The following SLC25A21 variants were observed in gnomAD, a reference collection of about 807,000 sequenced individuals.
SLC25A21 encodes solute carrier family 25 member 21, also known as mitochondrial 2-oxodicarboxylate carrier.
In SLC25A21, 47 loss-of-function variants were observed where a neutral mutation model predicts 43.8. The ratio of observed to expected loss-of-function variants is 1.07; its 90% CI spans 0.85 to 1.37. The LOEUF is 1.37. Among genes scored for constraint, SLC25A21 ranks in the 40% most tolerant of loss-of-function variants. The probability of loss-of-function intolerance (pLI) is 0.00; values close to 1 mark genes in which losing one functional copy is unlikely to be tolerated. For synonymous variants in SLC25A21, 131 were observed against 121.3 expected (o/e 1.08, Z -0.52); for missense variants, 352 against 350.2 (o/e 1.00, Z -0.04).
chr14:37,099,499 A>G (rs1962775461), intron 1 of SLC25A21, among the ~76,000 whole-genome samples: 1 of 152,296 alleles, frequency 6.6e-6, no homozygotes, highest in East Asian at 1.9e-4. Context: ...TAGTCAATGT[A>G]GTAGTCAAAA....
At chr14:36,909,025 G>A (rs1891610458) in intron 1 of SLC25A21, among the ~76,000 whole-genome samples, 1 of 152,086 alleles carries the variant, frequency 6.6e-6, no homozygotes, top group Admixed American at 6.6e-5. Flanking sequence ...TCCATAACCA[G>A]GATAGGAGGT....
chr14:37,108,727 G>A (rs932725380), intron 1 of SLC25A21, among the ~76,000 whole-genome samples: 7 of 147,042 alleles, frequency 4.8e-5, no homozygotes, highest in African/African-American at 1.9e-4. Flanking sequence ...GTGTGTGTGT[G>A]TGTGTGTGTG....
chr14:36,992,784 C>G (rs1020847627), intron 1 of SLC25A21, among the ~76,000 whole-genome samples: 1 of 152,170 alleles, frequency 6.6e-6, no homozygotes, highest in Non-Finnish European at 1.5e-5. Context: ...TCAAGAAATT[C>G]TATCAGAAGA....
chr14:37,116,188 C>T (rs1028484519), intron 1 of SLC25A21, among the ~76,000 whole-genome samples: 1 of 152,148 alleles, frequency 6.6e-6, no homozygotes. Context: ...ATGTAAGACA[C>T]TGTAAACTTC....
intron 1 of SLC25A21, among the ~76,000 whole-genome samples, chr14:37,150,883 G>A (rs1343348325): frequency 1.3e-5 from 2 of 152,064 alleles, no homozygotes; most frequent in Non-Finnish European, 2.9e-5. Context: ...AAATGATAGT[G>A]ATAATAACAG....
At chr14:36,896,586 G>C (rs937995254) in intron 1 of SLC25A21, among the ~76,000 whole-genome samples, 9 of 152,158 alleles carry the variant, frequency 5.9e-5, no homozygotes, top group Non-Finnish European at 1.5e-5. Flanking sequence ...TCATTATGAT[G>C]GTAGCTGGTT....
chr14:37,052,138 A>C (rs1324200512), intron 1 of SLC25A21, among the ~76,000 whole-genome samples: 1 of 152,244 alleles, frequency 6.6e-6, no homozygotes, highest in East Asian at 1.9e-4. Flanking sequence ...ATGCATAATA[A>C]ATTTCCCTTA....
At chr14:36,774,255 T>C (rs1886734522) in intron 3 of SLC25A21, among the ~76,000 whole-genome samples, 1 of 152,250 alleles carries the variant, frequency 6.6e-6, no homozygotes, top group South Asian at 2.1e-4. Flanking sequence ...CATTTGTAAA[T>C]GCTAGTGGTC....
At chr14:36,916,473 T>C (rs1197812630) in intron 1 of SLC25A21, among the ~76,000 whole-genome samples, 1 of 152,192 alleles carries the variant, frequency 6.6e-6, no homozygotes, top group African/African-American at 2.4e-5. Context: ...ATTTCCAACA[T>C]AGTTTTGACT....
At chr14:37,060,553 T>G (rs1961926086) in intron 1 of SLC25A21, among the ~76,000 whole-genome samples, 1 of 151,886 alleles carries the variant, frequency 6.6e-6, no homozygotes. Context: ...ATCCAGATTT[T>G]AATGTGAAAT....
At chr14:36,961,312 C>T (rs182399846) in intron 1 of SLC25A21, among the ~76,000 whole-genome samples, 94 of 151,908 alleles carry the variant, frequency 6.2e-4, no homozygotes, top group African/African-American at 1.8e-3. Context: ...TCCGGGTTCA[C>T]GCCATTCTCC....
At chr14:37,092,942 C>T (rs74757262) in intron 1 of SLC25A21, among the ~76,000 whole-genome samples, 3,959 of 151,802 alleles carry the variant, frequency 0.026, 65 homozygotes, top group Middle Eastern at 0.048. Flanking sequence ...CACGCACATA[C>T]GGGGAGAGAG....
intron 3 of SLC25A21, among the ~76,000 whole-genome samples, chr14:36,771,881 T>G (rs373657699): frequency 2.0e-4 from 31 of 152,332 alleles, no homozygotes; most frequent in African/African-American, 7.5e-4. Flanking sequence ...TCTTCTCATT[T>G]TGCCCTGTAC....
Position 36,938,005 on chromosome 14 carries a change from T to A in SLC25A21, c.71-63001A>T, listed in dbSNP as rs114356329. Among the ~76,000 whole-genome samples the A allele has an allele frequency of 4.0e-3, 608 of 151,992 alleles. 3 individuals are homozygous for A. Among genetic ancestry groups the A allele is most frequent in the African/African-American group, 0.011 (445 of 41,398 alleles). On this transcript the variant is annotated intron_variant, in intron 1 of 9. Transcript: ENST00000331299. ...TTTCTGGAGAGAAGAACAACTTTTT[T>A]TAAAAAAAAATTTTTTTTAATGGCA...
At chr14:36,939,257 G>A (rs780132627) in intron 1 of SLC25A21, among the ~76,000 whole-genome samples, 4 of 152,082 alleles carry the variant, frequency 2.6e-5, no homozygotes, top group East Asian at 1.9e-4. Context: ...AAAAAAAGTC[G>A]GGTTGGGGGA....
chr14:36,790,452 A>T (rs1237519788), intron 3 of SLC25A21, among the ~76,000 whole-genome samples: 1 of 152,144 alleles, frequency 6.6e-6, no homozygotes, highest in Non-Finnish European at 1.5e-5. Context: ...TTTAGCTCGA[A>T]TAATTAGTTA....
intron 5 of SLC25A21, 88 bp from the exon 6 acceptor site, chr14:36,725,765 C>T (rs957271129): frequency 1.2e-5 from 9 of 733,858 alleles, no homozygotes; most frequent in South Asian, 9.8e-5. Context: ...TGCAGCTGAA[C>T]GTTATAAAGA....
chr14:36,830,055 T>C (rs199772014), intron 2 of SLC25A21, among the ~76,000 whole-genome samples: 1 of 152,120 alleles, frequency 6.6e-6, no homozygotes, highest in East Asian at 1.9e-4. Context: ...GTTATTACAT[T>C]TAAAGATGAA....
At chr14:36,722,220 C>A (rs7152852) in intron 6 of SLC25A21, among the ~76,000 whole-genome samples, 1 of 151,904 alleles carries the variant, frequency 6.6e-6, no homozygotes. Context: ...CAATTACACA[C>A]TGAAATGAGA....
Sources: gnomAD v4.1 joint callset for allele counts (sites outside exome capture counted in the v4.1 genomes callset) on GRCh38, gnomAD v4.1.1 for gene constraint, MANE v1.5 for transcripts, NCBI Gene and HGNC (gene_info 2026-07-23, HGNC 2026-07-21) for gene names.